FAM120B: variants seen among roughly 807,000 people sequenced by gnomAD.
The protein encoded by FAM120B is family with sequence similarity 120 member B.
A neutral mutation model predicts 96.3 loss-of-function variants in FAM120B; 83 were observed. That is an observed-to-expected ratio of 0.86 (90% CI 0.72 to 1.03). The LOEUF (loss-of-function observed/expected upper bound fraction) is 1.03. Among genes scored for constraint, FAM120B ranks in the 50% least tolerant of loss-of-function variants. FAM120B has a pLI of 0.00. For synonymous variants in FAM120B, 407 were observed against 402.7 expected (o/e 1.01, Z -0.13); for missense variants, 1,027 against 1,121.2 (o/e 0.92, Z 1.20).
chr6:170,325,540 A>G (rs1785535712), intron 3 of FAM120B, among the ~76,000 whole-genome samples: 1 of 151,758 alleles, frequency 6.6e-6, no homozygotes, highest in South Asian at 2.1e-4. Context: ...ACCTTTAAAA[A>G]AAAAAAAAAA....
chr6:170,314,705 A>G (rs1046893077), intron 1 of FAM120B, among the ~76,000 whole-genome samples: 3 of 152,246 alleles, frequency 2.0e-5, no homozygotes, highest in Non-Finnish European at 4.4e-5. Context: ...AGCGATATCC[A>G]TGGAATTTTC....
Position 170,317,787 on chromosome 6 carries a change from A to T in FAM120B, c.397A>T (p.Ile133Phe). 6.2e-7 allele frequency: 1 copy of T among 1,614,236 alleles called. No homozygotes were observed. The highest frequency in any genetic ancestry group is 8.5e-7 in the Non-Finnish European group (1 of 1,180,052). ...GCAGCCAGGCAGAAATATGTTCTTC[A>T]TCCCCTCAGGGCTAGCTGTGTTTAC... is the stretch of plus-strand genomic sequence containing the variant. ...KEQPGRNMFF[I>F]PSGLAVFTRF... The change falls in exon 2 of 11, where the codon ATC becomes TTC. Residue 133 changes from isoleucine to phenylalanine, a missense_variant. Transcript: ENST00000476287.
At chr6:170,293,561 C>T (rs1057427421), upstream of FAM120B, among the ~76,000 whole-genome samples, 13 of 152,098 alleles carry the variant, frequency 8.5e-5, no homozygotes, top group South Asian at 4.2e-4. Context: ...CTGCCCAAAG[C>T]GTTCATTCTT....
At chr6:170,400,312 A>C (rs1778484419) in intron 9 of FAM120B, among the ~76,000 whole-genome samples, 1 of 152,198 alleles carries the variant, frequency 6.6e-6, no homozygotes, top group African/African-American at 2.4e-5. Context: ...AGGTAGAACT[A>C]TGTCATTTAC....
At position 170,346,187 on chromosome 6, in the gene FAM120B, C is replaced by CTT. The variant is rs68080508; in HGVS notation, c.2018-1954_2018-1953dup. On this transcript the variant is annotated intron_variant, in intron 4 of 10. Transcript: ENST00000476287. The stretch of plus-strand genomic sequence containing the variant: ...GTTCTACTAAATATATGTAATGAAT[C>CTT]TTTTTTTTTTTGTATTAAATTTTCA... Among the ~76,000 whole-genome samples the CTT allele has an allele frequency of 0.01, 1,516 of 147,734 alleles. 65 individuals are homozygous for CTT. In the East Asian group the frequency reaches 0.11, roughly 10 times the overall value.
intron 3 of FAM120B, among the ~76,000 whole-genome samples, chr6:170,326,366 T>C (rs971177034): frequency 1.6e-4 from 25 of 152,252 alleles, no homozygotes; most frequent in African/African-American, 5.8e-4. Context: ...CATGTGCCCC[T>C]GTGTCCTGGC....
chr6:170,392,727 A>G (rs1328935598), intron 8 of FAM120B, among the ~76,000 whole-genome samples: 2 of 152,030 alleles, frequency 1.3e-5, no homozygotes. Context: ...CCATTCTCAG[A>G]GGTTTCGTGT....
intron 6 of FAM120B, among the ~76,000 whole-genome samples, chr6:170,384,675 A>G (rs137867602): frequency 1.3e-5 from 2 of 152,374 alleles, no homozygotes; most frequent in East Asian, 3.9e-4. Context: ...AAGCAGACAT[A>G]TCTGTAATCA....
intron 1 of FAM120B, among the ~76,000 whole-genome samples, chr6:170,309,493 T>C (rs559360291): frequency 1.2e-4 from 18 of 152,338 alleles, no homozygotes; most frequent in Admixed American, 7.8e-4. Flanking sequence ...TAAAGAGGAA[T>C]CTATTTTATC....
intron 6 of FAM120B, among the ~76,000 whole-genome samples, chr6:170,361,240 GTA>G (rs559476953): frequency 0.023 from 976 of 42,520 alleles, 49 homozygotes; most frequent in African/African-American, 0.069. Context: ...ATATATACAC[GTA>G]TATATATATA....
intron 9 of FAM120B, among the ~76,000 whole-genome samples, chr6:170,401,573 C>T (rs540727514): frequency 7.2e-5 from 11 of 152,094 alleles, no homozygotes; most frequent in South Asian, 4.1e-4. Context: ...GGACAGGCAC[C>T]GCCAGTATCT....
At chr6:170,336,446 T>C (rs1321691632) in intron 4 of FAM120B, among the ~76,000 whole-genome samples, 4 of 152,188 alleles carry the variant, frequency 2.6e-5, no homozygotes, top group Non-Finnish European at 5.9e-5. Context: ...AGCCTTGTAG[T>C]ATAGTTTGAA....
intron 6 of FAM120B, 116 bp from the exon 7 acceptor site, chr6:170,388,171 G>A: frequency 3.6e-6 from 3 of 822,122 alleles, no homozygotes; most frequent in Non-Finnish European, 2.0e-6. Context: ...TGGTGATGCT[G>A]TCCAGTTACT....
At chr6:170,358,143 C>A in intron 5 of FAM120B, 83 bp from the exon 6 acceptor site, 1 of 1,210,414 alleles carries the variant, frequency 8.3e-7, no homozygotes. Context: ...TACACACACT[C>A]ATAGTTAATA....
At chr6:170,384,063 T>C (rs1790063363) in intron 6 of FAM120B, among the ~76,000 whole-genome samples, 1 of 152,228 alleles carries the variant, frequency 6.6e-6, no homozygotes, top group Admixed American at 6.5e-5. Context: ...CATGATTCTA[T>C]TTATGTTACA....
upstream of FAM120B, among the ~76,000 whole-genome samples, chr6:170,303,083 T>C (rs1156546793): frequency 9.9e-5 from 15 of 152,248 alleles, no homozygotes; most frequent in Admixed American, 9.8e-4. Flanking sequence ...TTTTTCCTTA[T>C]ATCAAATATT....
In FAM120B at chr6:170,295,500, C is replaced by G. The variant is rs1200176181; in HGVS notation, c.48+47C>G. 5 of 691,930 alleles carry G rather than the reference C, an allele frequency of 7.2e-6. No homozygotes were observed. In the East Asian group the frequency reaches 1.4e-4, roughly 19 times the overall value. 42.9% of individuals were successfully genotyped at this position (691,930 alleles called of 1,614,324 possible). A position where few individuals can be genotyped will look rare whatever the true frequency, so the allele number is the denominator to read the frequency against. On this transcript the variant is annotated intron_variant, in intron 1 of 10. Coordinates refer to the FAM120B transcript ENST00000537664. This position sits in a 1 kb window ranked among gnomAD's most constrained non-coding sequence, Gnocchi z 7.8. ...ACAAGGCGCGCGGCCCCCAGGCAGC[C>G]GCGCTTCCACAGCGGGCAGGAGCGC... is the stretch of plus-strand genomic sequence containing the variant.
At chr6:170,292,684 G>A (rs1783913393), upstream of FAM120B, among the ~76,000 whole-genome samples, 1 of 152,232 alleles carries the variant, frequency 6.6e-6, no homozygotes, top group South Asian at 2.1e-4. The surrounding 1 kb of genome is among the most constrained non-coding windows in gnomAD (Gnocchi z 6.6). Flanking sequence ...AAGGTCACGT[G>A]GTGAAGTCGT....
At chr6:170,397,906 C>G (rs1171738041) in intron 9 of FAM120B, among the ~76,000 whole-genome samples, 3 of 152,228 alleles carry the variant, frequency 2.0e-5, no homozygotes, top group Non-Finnish European at 4.4e-5. Context: ...GGCAGACTGA[C>G]TGGGCAGGGC....
Sources: gnomAD v4.1 joint callset for allele counts (sites outside exome capture counted in the v4.1 genomes callset) on GRCh38, gnomAD v4.1.1 for gene constraint, Gnocchi (gnomAD v3.1) non-coding constraint, MANE v1.5 for transcripts, NCBI Gene and HGNC (gene_info 2026-07-23, HGNC 2026-07-21) for gene names.